The following OPRL1 variants were observed in gnomAD, a reference collection of about 807,000 sequenced individuals.
The protein encoded by OPRL1 is opioid related nociceptin receptor 1.
In OPRL1, 5 loss-of-function variants were observed where a neutral mutation model predicts 15.5. That is an observed-to-expected ratio of 0.32 (90% CI 0.17 to 0.68). The LOEUF (loss-of-function observed/expected upper bound fraction) is 0.68. Ranked by LOEUF, OPRL1 falls within the 30% of genes least tolerant of loss-of-function variation. The pLI is 0.72. For synonymous variants in OPRL1, 223 were observed against 230.2 expected, an observed-to-expected ratio of 0.97 and a Z score of 0.28; for missense variants, 406 against 515.3, an observed-to-expected ratio of 0.79 and a Z score of 2.05.
rs1158999451 is a variant in OPRL1, at chr20:64,083,738, GC to G, written c.-185+3390del. The G allele has an allele frequency of 1.4e-5, 19 of 1,326,662 alleles. No individual in the cohort carries two copies. The highest frequency in any genetic ancestry group is 1.5e-5 in the Non-Finnish European group (16 of 1,042,708). The allele number at this position is 1,326,662 out of a possible 1,614,324, so 82.2% of individuals were successfully genotyped here. A position where few individuals can be genotyped will look rare whatever the true frequency, so the allele number is the denominator to read the frequency against. ...GCCCGGGTAGCTGAGCGCGCGCCGAGCCCCGCCCCGCCCCGCCCCGGCCGGC... is the reference window on the plus strand; with the variant it reads ...GCCCGGGTAGCTGAGCGCGCGCCGAGCCCGCCCCGCCCCGCCCCGGCCGGC... On this transcript the variant is annotated intron_variant, in intron 1 of 4. Coordinates refer to ENST00000336866, the MANE Select transcript of OPRL1 (RefSeq NM_182647.4). The surrounding 1 kb of genome is among the most constrained non-coding windows in gnomAD (Gnocchi z 4.9).
intron 3 of OPRL1, among the ~76,000 whole-genome samples, chr20:64,096,555 G>A (rs1009812653): frequency 2.6e-5 from 4 of 152,026 alleles, no homozygotes; most frequent in Non-Finnish European, 5.9e-5. Flanking sequence ...TTGTCTCTTC[G>A]TAATTGCGGC....
chr20:64,098,287 C>T lies in OPRL1; in HGVS notation c.601C>T (p.Leu201=). 1 of 1,613,604 alleles carries T rather than the reference C, an allele frequency of 6.2e-7. No individual in the cohort carries two copies. Among genetic ancestry groups the T allele is most frequent in the South Asian group, 1.1e-5 (1 of 91,060 alleles). ...AQVEDEEIEC[L]VEIPTPQDYW... ...TTCTCTCCCTGCAGAGATCGAGTGC[C>T]TGGTGGAGATCCCTACCCCTCAGGA... is the stretch of plus-strand genomic sequence containing the variant. Residue 201 remains leucine, a synonymous_variant, in exon 5 of 5, where the codon CTG becomes TTG. Coordinates refer to ENST00000336866, the MANE Select transcript of OPRL1 (RefSeq NM_182647.4).
Position 64,090,427 on chromosome 20 carries a change from G to A in OPRL1, c.-184-1539G>A, listed in dbSNP as rs1221474553. Among the ~76,000 whole-genome samples the A allele has an allele frequency of 6.6e-6, 1 of 152,212 alleles. No homozygotes were observed. The highest frequency in any genetic ancestry group is 1.5e-5 in the Non-Finnish European group (1 of 68,038). ...GTTCCGTCCTCTCCTGATTTGCCAG[G>A]TATCCTAGCAACGCTGCTGCCAGTT... On this transcript the variant is annotated intron_variant, in intron 1 of 4. Transcript: ENST00000336866. The surrounding 1 kb of genome is among the most constrained non-coding windows in gnomAD (Gnocchi z 4.9).
At chr20:64,081,928 G>A (rs1389329169) in intron 1 of OPRL1, among the ~76,000 whole-genome samples, 1 of 152,162 alleles carries the variant, frequency 6.6e-6, no homozygotes, top group Admixed American at 6.5e-5. Context: ...CTGATGCAGA[G>A]TGACCCATCC....
Position 64,098,301 on chromosome 20 carries a change from T to C in OPRL1, c.615T>C (p.Pro205=). The change falls in exon 5 of 5, where the codon CCT becomes CCC. Residue 205 remains proline (P), a synonymous_variant. Transcript: ENST00000336866. The part of the protein sequence containing the change: ...DEEIECLVEI[P]TPQDYWGPVF... ...AGATCGAGTGCCTGGTGGAGATCCC[T>C]ACCCCTCAGGATTACTGGGGCCCGG... 3.1e-6 allele frequency: 5 copies of C among 1,613,894 alleles called. No homozygotes were observed. The highest frequency in any genetic ancestry group is 1.3e-5 in the African/African-American group (1 of 75,050).
At chr20:64,084,002 C>A in intron 1 of OPRL1, 1 of 1,494,868 alleles carries the variant, frequency 6.7e-7, no homozygotes, top group African/African-American at 1.5e-5. Context: ...GGCCGCCGCG[C>A]CCACGTCCTC....
chr20:64,083,534 C>A lies in OPRL1; in HGVS notation c.-185+3182C>A, dbSNP rs756392930. On this transcript the variant is annotated intron_variant, in intron 1 of 4. Coordinates refer to ENST00000336866, the MANE Select transcript of OPRL1 (RefSeq NM_182647.4). The surrounding 1 kb of genome is among the most constrained non-coding windows in gnomAD (Gnocchi z 4.9). ...GGCTGGGGTCCGGCGTGTGCGGAGG[C>A]GGGCAGGGCCCCTCCCCTTTCCCCG... The A allele has an allele frequency of 1.9e-6, 3 of 1,549,174 alleles. No homozygotes were observed. The South Asian group carries it at 3.5e-5, about 18-fold the overall frequency.
In OPRL1 at chr20:64,092,821, C is replaced by G; in HGVS notation, c.101C>G (p.Pro34Arg). The change falls in exon 3 of 5, where the codon CCG (proline) becomes CGG (arginine). Residue 34 changes from proline to arginine, a missense_variant. Coordinates refer to ENST00000336866, the MANE Select transcript of OPRL1 (RefSeq NM_182647.4). Reference protein sequence around the residue: ...LLSPNHSLLPPHLLLNASHGA... With the variant: ...LLSPNHSLLPRHLLLNASHGA... ...AGCCCCAACCACAGTCTGCTGCCCC[C>G]GCATCTGCTGCTCAATGCCAGCCAC... is the stretch of plus-strand genomic sequence containing the variant. The G allele has an allele frequency of 6.2e-7, 1 of 1,612,790 alleles. No homozygotes were observed. The highest frequency in any genetic ancestry group is 8.5e-7 in the Non-Finnish European group (1 of 1,179,958).
At position 64,098,162 on chromosome 20, in the gene OPRL1, G is replaced by A. The variant is rs765876052; in HGVS notation, c.589+5G>A. 2 of 1,611,618 alleles carry A rather than the reference G, an allele frequency of 1.2e-6. No individual in the cohort carries two copies. The highest frequency in any genetic ancestry group is 3.3e-5 in the Admixed American group (2 of 59,996). On this transcript the variant is annotated splice_donor_5th_base_variant and intron_variant, in intron 4 of 4. Coordinates refer to ENST00000336866, the MANE Select transcript of OPRL1 (RefSeq NM_182647.4). ...CGGCACAGGTCGAGGATGAAGGTCA[G>A]TGGGGTGTCCCCTCCTCCCCTCACC...
At chr20:64,088,882 G>GTGCAGGGAGGGCAGGA in intron 1 of OPRL1, among the ~76,000 whole-genome samples, 1 of 13,182 alleles carries the variant, frequency 7.6e-5, no homozygotes. Flanking sequence ...AGTGGCCAGG[G>GTGCAGGGAGGGCAGGA]TCTGTGCAGA....
At chr20:64,093,040 T>C in intron 3 of OPRL1, 87 bp downstream of exon 3, 6 of 1,175,208 alleles carry the variant, frequency 5.1e-6, no homozygotes, top group Non-Finnish European at 7.3e-6. Context: ...TGGATGGGCC[T>C]GAGCAGGTGT....
At chr20:64,084,302 A>ACCGGGGCTTGTCTGC in intron 1 of OPRL1, 1 of 1,300,216 alleles carries the variant, frequency 7.7e-7, no homozygotes, top group South Asian at 2.2e-5. Context: ...GCAGGGCCCC[A>ACCGGGGCTTGTCTGC]ACGTGCGCCC....
chr20:64,089,095 G>A lies in OPRL1; in HGVS notation c.-184-2871G>A, dbSNP rs370715424. Among the ~76,000 whole-genome samples the A allele has an allele frequency of 6.7e-6, 1 of 148,236 alleles. No homozygotes were observed. Among genetic ancestry groups the A allele is most frequent in the Admixed American group, 6.7e-5 (1 of 14,922 alleles). On this transcript the variant is annotated intron_variant, in intron 1 of 4. Coordinates refer to ENST00000336866, the MANE Select transcript of OPRL1 (RefSeq NM_182647.4). The surrounding 1 kb of genome is among the most constrained non-coding windows in gnomAD (Gnocchi z 5.5). ...GTGGGGGGCAGGTTCTGCGCAGGGG[G>A]CCTAGGCTGTTCAGCATGCCAGGGT...
At position 64,097,955 on chromosome 20, in the gene OPRL1, T is replaced by G. The variant is rs1285246075; in HGVS notation, c.387T>G (p.Ile129Met). The G allele has an allele frequency of 6.2e-7, 1 of 1,613,728 alleles. No homozygotes were observed. Among genetic ancestry groups the G allele is most frequent in the Non-Finnish European group, 8.5e-7 (1 of 1,180,014 alleles). Residue 129 changes from isoleucine (I) to methionine (M), a missense_variant, in exon 4 of 5, where the codon ATT becomes ATG. Physicochemically the swap from Ile to Met is conservative, Grantham distance 10. Coordinates refer to ENST00000336866, the MANE Select transcript of OPRL1 (RefSeq NM_182647.4). The surrounding 1 kb of genome is among the most constrained non-coding windows in gnomAD (Gnocchi z 4.2). ...GNALCKTVIAIDYYNMFTSTF... is the reference protein window; with the variant it reads ...GNALCKTVIAMDYYNMFTSTF... ...CGCTGTGCAAGACAGTCATTGCCAT[T>G]GACTACTACAACATGTTCACCAGCA...
chr20:64,083,997 C>T lies in OPRL1; in HGVS notation c.-185+3645C>T. Reference sequence around the variant, plus strand: ...GACCCGCACGGGAAGGTGGAGGCCGCCGCGCCCACGTCCTCCAGCAGGTCG... The same window carrying T: ...GACCCGCACGGGAAGGTGGAGGCCGTCGCGCCCACGTCCTCCAGCAGGTCG... On this transcript the variant is annotated intron_variant, in intron 1 of 4. Transcript: ENST00000336866. The surrounding 1 kb of genome is among the most constrained non-coding windows in gnomAD (Gnocchi z 4.9). 6.7e-7 allele frequency: 1 copy of T among 1,489,936 alleles called. No homozygotes were observed. The highest frequency in any genetic ancestry group is 8.9e-7 in the Non-Finnish European group (1 of 1,128,250). 92.3% of individuals were successfully genotyped at this position (1,489,936 alleles called of 1,614,324 possible).
intron 3 of OPRL1, among the ~76,000 whole-genome samples, chr20:64,096,764 G>A (rs1192405195): frequency 7.3e-6 from 1 of 137,360 alleles, no homozygotes; most frequent in Non-Finnish European, 1.6e-5. Context: ...ACCACCACCA[G>A]CACCTTCATT....
chr20:64,081,301 C>A (rs1047480301), intron 1 of OPRL1, among the ~76,000 whole-genome samples: 1 of 152,198 alleles, frequency 6.6e-6, no homozygotes, highest in African/African-American at 2.4e-5. Context: ...TTATTCAGCC[C>A]ACATAACACT....
chr20:64,088,886 G>A (rs111625704), intron 1 of OPRL1, among the ~76,000 whole-genome samples: 3 of 146,038 alleles, frequency 2.1e-5, no homozygotes, highest in African/African-American at 7.6e-5. Context: ...GCCAGGGTCT[G>A]TGCAGAGTGG....
Position 64,098,849 on chromosome 20 carries a change from C to T in OPRL1, c.*50C>T, listed in dbSNP as rs771661264. ...CCTGTCAGCCCGCAGAGCCCATCTACGCCCAACACAGAGCTCACACAGGTC... is the reference window on the plus strand; with the variant it reads ...CCTGTCAGCCCGCAGAGCCCATCTATGCCCAACACAGAGCTCACACAGGTC... On this transcript the variant is annotated 3_prime_UTR_variant, in exon 5 of 5. Coordinates refer to ENST00000336866, the MANE Select transcript of OPRL1 (RefSeq NM_182647.4). 1.4e-5 allele frequency: 22 copies of T among 1,542,278 alleles called. No individual in the cohort carries two copies. The East Asian group carries it at 1.6e-4, about 11-fold the overall frequency.
Sources: gnomAD v4.1 joint callset for allele counts (sites outside exome capture counted in the v4.1 genomes callset) on GRCh38, gnomAD v4.1.1 for gene constraint, Gnocchi (gnomAD v3.1) non-coding constraint, MANE v1.5 for transcripts, NCBI Gene and HGNC (gene_info 2026-07-23, HGNC 2026-07-21) for gene names.